ABLIM1: variants seen among roughly 807,000 people sequenced by gnomAD.
ABLIM1 encodes actin-binding LIM protein 1.
Under a neutral mutation model 107.0 loss-of-function variants are expected in ABLIM1, and 40 were observed. That is an observed-to-expected ratio of 0.37 (90% CI 0.29 to 0.49). The LOEUF is 0.49. Among genes scored for constraint, ABLIM1 ranks in the 20% least tolerant of loss-of-function variants. The pLI, the probability that ABLIM1 is intolerant of heterozygous loss-of-function variation, is 0.97. For synonymous variants in ABLIM1, 357 were observed against 357.3 expected, an observed-to-expected ratio of 1.00 and a Z score of 0.01; for missense variants, 857 against 1,008.5, an observed-to-expected ratio of 0.85 and a Z score of 2.04.
At chr10:114,643,925 C>T (rs143500210) in intron 1 of ABLIM1, among the ~76,000 whole-genome samples, 8 of 151,856 alleles carry the variant, frequency 5.3e-5, no homozygotes, top group Non-Finnish European at 8.8e-5. Flanking sequence ...AATTCATTAA[C>T]ATTTAAGATT....
In ABLIM1 at chr10:114,444,101, C is replaced by T; in HGVS notation, c.1861G>A (p.Glu621Lys). The T allele has an allele frequency of 2.5e-6, 4 of 1,609,544 alleles. No individual in the cohort carries two copies. Among genetic ancestry groups the T allele is most frequent in the Non-Finnish European group, 3.4e-6 (4 of 1,178,742 alleles). The change falls in exon 17 of 23, where the codon GAA (glutamate) becomes AAA (lysine). Residue 621 changes from glutamate to lysine, a missense_variant. Physicochemically the swap from Glu to Lys is moderately conservative, Grantham distance 56. Around this residue, in one of 5 missense-constraint regions of ABLIM1, gnomAD observed 193 missense variants for 208.5 expected, o/e 0.93. Coordinates refer to ENST00000533213, the MANE Select transcript of ABLIM1 (RefSeq NM_002313.7). ...NSGLGQLILKEEMEKESRERS... is the reference protein window; with the variant it reads ...NSGLGQLILKKEMEKESRERS... ...TCCCGGCTCTCTTTCTCCATCTCTT[C>T]TTTCAAGATCAACTGTCCCAGGCCT...
At chr10:114,547,146 C>A (rs1398091594) in intron 5 of ABLIM1, among the ~76,000 whole-genome samples, 1 of 93,364 alleles carries the variant, frequency 1.1e-5, no homozygotes, top group Non-Finnish European at 2.1e-5. Context: ...CCCCTCATTG[C>A]CAGGCTACAT....
chr10:114,517,035 G>A (rs1482097111), intron 6 of ABLIM1, among the ~76,000 whole-genome samples: 1 of 152,100 alleles, frequency 6.6e-6, no homozygotes, highest in Non-Finnish European at 1.5e-5. Flanking sequence ...GAGCAGGGCT[G>A]TTGATTACGA....
chr10:114,605,275 TC>T (rs2076329253), intron 1 of ABLIM1, among the ~76,000 whole-genome samples: 2 of 152,216 alleles, frequency 1.3e-5, no homozygotes, highest in South Asian at 4.1e-4. Flanking sequence ...TCTTTGACAG[TC>T]TGGTTGTTAC....
intron 1 of ABLIM1, among the ~76,000 whole-genome samples, chr10:114,729,206 C>T (rs1287967234): frequency 3.9e-5 from 6 of 152,060 alleles, no homozygotes; most frequent in South Asian, 2.1e-4. Flanking sequence ...TAAGATATGA[C>T]CCAGAAGGAC....
chr10:114,547,924 A>G (rs1175015807), intron 4 of ABLIM1, 148 bp from the exon 5 acceptor site: 1 of 1,158,002 alleles, frequency 8.6e-7, no homozygotes, highest in East Asian at 2.7e-5. Context: ...TTCCCTGCAC[A>G]AAATCTTTCT....
At chr10:114,621,500 C>G (rs563091712) in intron 1 of ABLIM1, among the ~76,000 whole-genome samples, 71 of 152,196 alleles carry the variant, frequency 4.7e-4, no homozygotes, top group Non-Finnish European at 8.1e-4. Flanking sequence ...GGAGCAGACA[C>G]TGTGTAATGA....
chr10:114,649,340 T>TGCAG (rs776800106), intron 1 of ABLIM1, among the ~76,000 whole-genome samples: 3 of 151,284 alleles, frequency 2.0e-5, no homozygotes, highest in Non-Finnish European at 2.9e-5. Context: ...AGGCAGAGGC[T>TGCAG]GCAGTGAGCC....
intron 5 of ABLIM1, among the ~76,000 whole-genome samples, chr10:114,546,297 CTTT>C (rs373431588): frequency 3.6e-5 from 5 of 139,056 alleles, no homozygotes; most frequent in African/African-American, 2.7e-5. Context: ...TCTTTTCTTT[CTTT>C]TTTTTTTTTT....
intron 8 of ABLIM1, among the ~76,000 whole-genome samples, chr10:114,478,932 T>C (rs2056907676): frequency 6.6e-6 from 1 of 152,248 alleles, no homozygotes; most frequent in Admixed American, 6.5e-5. Context: ...TACCTGTCTA[T>C]ATTGAAATAA....
intron 1 of ABLIM1, among the ~76,000 whole-genome samples, chr10:114,611,257 G>A (rs746713724): frequency 6.6e-5 from 10 of 151,614 alleles, no homozygotes; most frequent in South Asian, 4.2e-4. Context: ...ACCTGATGTC[G>A]GGAGTCCGAG....
the ABLIM1 span, chr10:114,778,568 GACACACACAC>G: frequency 0.06 from 7,878 of 131,450 alleles, 264 homozygotes; most frequent in Non-Finnish European, 0.084. Flanking sequence ...TCATCATCCA[GACACACACAC>G]ACACACACAC....
intron 2 of ABLIM1, among the ~76,000 whole-genome samples, chr10:114,580,025 T>C (rs2073157106): frequency 6.6e-6 from 1 of 152,082 alleles, no homozygotes; most frequent in Non-Finnish European, 1.5e-5. Context: ...GCCCAGACTT[T>C]AGAAGTTAAT....
At chr10:114,689,714 CT>C (rs368170657), upstream of ABLIM1, among the ~76,000 whole-genome samples, 16 of 147,990 alleles carry the variant, frequency 1.1e-4, no homozygotes, top group East Asian at 3.9e-4. Context: ...CCTTCCTTTC[CT>C]TTTTTTTTTC....
At chr10:114,597,079 C>A (rs2075488680) in intron 2 of ABLIM1, among the ~76,000 whole-genome samples, 1 of 152,176 alleles carries the variant, frequency 6.6e-6, no homozygotes, top group African/African-American at 2.4e-5. Flanking sequence ...TGCTCCCCAC[C>A]CAAAATCCTC....
At chr10:114,440,702 C>T in intron 19 of ABLIM1, 1 of 437,398 alleles carries the variant, frequency 2.3e-6, no homozygotes, top group South Asian at 2.0e-5. Flanking sequence ...TTCAAGTAAT[C>T]CTTCCGCCTC....
intron 6 of ABLIM1, among the ~76,000 whole-genome samples, chr10:114,532,322 C>T (rs905722569): frequency 1.3e-5 from 2 of 152,168 alleles, no homozygotes; most frequent in East Asian, 1.9e-4. Flanking sequence ...ATTTCTGTAC[C>T]AGTTCATTTC....
intron 1 of ABLIM1, among the ~76,000 whole-genome samples, chr10:114,710,272 G>A (rs1469838290): frequency 3.3e-5 from 5 of 152,128 alleles, no homozygotes. Flanking sequence ...TTCTCACACT[G>A]CTAATAAAGA....
At chr10:114,554,704 TA>T (rs2068506290) in intron 4 of ABLIM1, among the ~76,000 whole-genome samples, 1 of 152,122 alleles carries the variant, frequency 6.6e-6, no homozygotes, top group Non-Finnish European at 1.5e-5. Context: ...ACCCTGTCTC[TA>T]AAAGATATAA....
Sources: allele counts gnomAD v4.1 joint callset (sites outside exome capture counted in the v4.1 genomes callset), GRCh38; gene constraint gnomAD v4.1.1; regional missense constraint gnomAD v4.1.1; transcripts MANE v1.5; gene names NCBI Gene and HGNC (gene_info 2026-07-23, HGNC 2026-07-21).